The following GARIN5A variants were observed in gnomAD, a reference collection of about 807,000 sequenced individuals.
The protein encoded by GARIN5A is Golgi-associated RAB2 interactor protein 5A.
At chr19:50,474,262 C>A in the GARIN5A span, among the ~76,000 whole-genome samples, 3 of 151,576 alleles carry the variant, frequency 2.0e-5, no homozygotes, top group African/African-American at 7.3e-5. Flanking sequence ...TCACTGCAAC[C>A]TCCACCTCTT....
At chr19:50,472,762 G>T in the GARIN5A span, among the ~76,000 whole-genome samples, 10 of 152,140 alleles carry the variant, frequency 6.6e-5, no homozygotes, top group African/African-American at 2.2e-4. Context: ...AGGTGTGGGT[G>T]GTGCACACCT....
chr19:50,467,424 A>T, the GARIN5A span: 1 of 626,990 alleles, frequency 1.6e-6, no homozygotes, highest in African/African-American at 1.8e-5. Flanking sequence ...CCAGGAGTCC[A>T]GGACCCCAGC....
chr19:50,468,239 A>G, the GARIN5A span, among the ~76,000 whole-genome samples: 1 of 151,726 alleles, frequency 6.6e-6, no homozygotes, highest in Non-Finnish European at 1.5e-5. Flanking sequence ...GTGGGTACCT[A>G]TAATCCCAGC....
At chr19:50,471,652 A>G in the GARIN5A span, among the ~76,000 whole-genome samples, 1 of 120,276 alleles carries the variant, frequency 8.3e-6, no homozygotes, top group South Asian at 2.7e-4. Flanking sequence ...ATATACGCAT[A>G]CATGCACGTG....
chr19:50,476,501 C>G, the GARIN5A span: 1 of 1,572,470 alleles, frequency 6.4e-7, no homozygotes, highest in South Asian at 1.1e-5. Flanking sequence ...TGCTCCGCGG[C>G]TCTTGGCTCA....
At chr19:50,471,793 TGC>T in the GARIN5A span, among the ~76,000 whole-genome samples, 48 of 147,082 alleles carry the variant, frequency 3.3e-4, no homozygotes, top group Non-Finnish European at 6.2e-4. Flanking sequence ...TACGCATACA[TGC>T]ATGTGTATAC....
the GARIN5A span, chr19:50,476,766 A>G: frequency 2.9e-6 from 2 of 692,596 alleles, no homozygotes; most frequent in African/African-American, 1.9e-5. Flanking sequence ...CTGAGAGGGA[A>G]GAGGTGGGAG....
the GARIN5A span, chr19:50,475,970 G>C: frequency 2.5e-6 from 4 of 1,607,472 alleles, no homozygotes; most frequent in Non-Finnish European, 3.4e-6. Flanking sequence ...ACGAAGTCTG[G>C]GGGTCGATCC....
At chr19:50,476,520 C>G in the GARIN5A span, 3 of 1,569,436 alleles carry the variant, frequency 1.9e-6, no homozygotes, top group Non-Finnish European at 2.6e-6. Context: ...CACAGCCGTC[C>G]CTTCGCTGGT....
At chr19:50,466,807 C>A in the GARIN5A span, 1 of 153,134 alleles carries the variant, frequency 6.5e-6, no homozygotes, top group Non-Finnish European at 1.5e-5. This position sits in a 1 kb window ranked among gnomAD's most constrained non-coding sequence, Gnocchi z 4.9. Flanking sequence ...AATGGACTGA[C>A]CTTTATTAAC....
chr19:50,467,399 C>T, the GARIN5A span, among the ~76,000 whole-genome samples: 9 of 151,904 alleles, frequency 5.9e-5, no homozygotes, highest in African/African-American at 1.7e-4. Flanking sequence ...GGCCCCAGCC[C>T]CTCCTCCCTC....
chr19:50,476,645 C>A, the GARIN5A span: 1 of 1,538,186 alleles, frequency 6.5e-7, no homozygotes, highest in Admixed American at 1.9e-5. Flanking sequence ...CGGGCCGGGA[C>A]TGGTGCGCGA....
At chr19:50,476,393 C>T in the GARIN5A span, 1 of 1,552,690 alleles carries the variant, frequency 6.4e-7, no homozygotes, top group Non-Finnish European at 8.7e-7. Context: ...CCCCATCCTG[C>T]TGACGTCAGG....
the GARIN5A span, among the ~76,000 whole-genome samples, chr19:50,473,286 T>G: frequency 6.6e-6 from 1 of 152,150 alleles, no homozygotes; most frequent in African/African-American, 2.4e-5. Flanking sequence ...CCTTCCTTCC[T>G]TCCCTCCTTC....
chr19:50,467,534 T>C, the GARIN5A span: 1 of 1,462,336 alleles, frequency 6.8e-7, no homozygotes, highest in Non-Finnish European at 9.3e-7. Context: ...GCTGCCCCAC[T>C]GCGCTTCCCC....
chr19:50,476,810 G>C, the GARIN5A span: 2 of 558,264 alleles, frequency 3.6e-6, no homozygotes, highest in Admixed American at 7.3e-5. Context: ...TCACGCACGC[G>C]CAGGAGGGGC....
the GARIN5A span, chr19:50,476,379 G>T: frequency 6.4e-7 from 1 of 1,560,682 alleles, no homozygotes. Flanking sequence ...GGCCAAAGGG[G>T]CGGCCCCATC....
chr19:50,470,058 T>A, the GARIN5A span, among the ~76,000 whole-genome samples: 1 of 152,160 alleles, frequency 6.6e-6, no homozygotes, highest in Non-Finnish European at 1.5e-5. Context: ...GGCAGGTAGG[T>A]TGAGCTTGGC....
chr19:50,471,750 A>ATGCACGTGTGTGTATACGCATACG, the GARIN5A span, among the ~76,000 whole-genome samples: 46 of 144,314 alleles, frequency 3.2e-4, 3 homozygotes, highest in African/African-American at 1.1e-3. Context: ...ATACGCATAC[A>ATGCACGTGTGTGTATACGCATACG]TGCATGTGTA....
Sources: allele counts gnomAD v4.1 joint callset (sites outside exome capture counted in the v4.1 genomes callset), GRCh38; gene constraint gnomAD v4.1.1; non-coding constraint Gnocchi (gnomAD v3.1); transcripts MANE v1.5; gene names NCBI Gene and HGNC (gene_info 2026-07-23, HGNC 2026-07-21).